NSUN7: variants seen among roughly 807,000 people sequenced by gnomAD.
NSUN7 encodes the protein NOP2/Sun RNA methyltransferase family member 7.
Under a neutral mutation model 58.5 loss-of-function variants are expected in NSUN7, and 39 were observed. That is an observed-to-expected ratio of 0.67 (90% CI 0.52 to 0.87). The LOEUF is 0.87. NSUN7 is among the 40% of genes least tolerant of loss of function. The probability of loss-of-function intolerance (pLI) is 0.00; values close to 1 mark genes in which losing one functional copy is unlikely to be tolerated. For missense variants in NSUN7, 765 were observed against 844.1 expected (o/e 0.91, Z 1.16); for synonymous variants, 278 against 303.7 (o/e 0.92, Z 0.88).
intron 2 of NSUN7, among the ~76,000 whole-genome samples, chr4:40,754,876 A>G (rs765551294): frequency 6.6e-6 from 1 of 152,202 alleles, no homozygotes; most frequent in Admixed American, 6.6e-5. Flanking sequence ...TTCATTGTAT[A>G]TAAGATCTTT....
At chr4:40,805,910 C>T (rs1045509509) in intron 10 of NSUN7, among the ~76,000 whole-genome samples, 5 of 152,042 alleles carry the variant, frequency 3.3e-5, no homozygotes, top group African/African-American at 1.2e-4. Flanking sequence ...GGTGTGATCT[C>T]AGCTAATTGC....
intron 4 of NSUN7, among the ~76,000 whole-genome samples, chr4:40,771,601 G>A (rs1742012924): frequency 6.6e-6 from 1 of 151,986 alleles, no homozygotes; most frequent in South Asian, 2.1e-4. Flanking sequence ...TGGGAATTGA[G>A]ACAGGAAGAG....
In NSUN7 at chr4:40,761,219, G is replaced by T; in HGVS notation, c.406G>T (p.Asp136Tyr). The T allele has an allele frequency of 6.3e-7, 1 of 1,583,838 alleles. No homozygotes were observed. Among genetic ancestry groups the T allele is most frequent in the Non-Finnish European group, 8.5e-7 (1 of 1,170,562 alleles). Reference protein sequence around the residue: ...LIIVMLYDFQDRKFQTRVLSD... With the variant: ...LIIVMLYDFQYRKFQTRVLSD... ...TATTGTGATGCTATATGATTTCCAA[G>T]ATAGAAAATTTCAAACTCGTGTCCT... Residue 136 changes from aspartate to tyrosine, a missense_variant, in exon 4 of 12, where the codon GAT becomes TAT. Coordinates refer to ENST00000381782, the MANE Select transcript of NSUN7 (RefSeq NM_024677.6).
At chr4:40,800,343 C>CTT (rs752170347) in intron 10 of NSUN7, among the ~76,000 whole-genome samples, 13 of 145,538 alleles carry the variant, frequency 8.9e-5, no homozygotes, top group Admixed American at 2.8e-4. Context: ...AATCCTTAAA[C>CTT]TTTTTTTTTT....
intron 7 of NSUN7, among the ~76,000 whole-genome samples, chr4:40,778,008 A>C (rs1396283011): frequency 1.3e-5 from 2 of 152,252 alleles, no homozygotes; most frequent in Non-Finnish European, 2.9e-5. Context: ...AGCTAAAAGA[A>C]AGTTCTAGAA....
intron 9 of NSUN7, among the ~76,000 whole-genome samples, chr4:40,794,761 C>G (rs116627126): frequency 1.3e-5 from 2 of 152,182 alleles, no homozygotes; most frequent in Admixed American, 6.5e-5. Context: ...GTAGTTTCAG[C>G]TTTCCTGTTT....
chr4:40,777,118 T>C (rs535963036), intron 7 of NSUN7, among the ~76,000 whole-genome samples: 6 of 152,280 alleles, frequency 3.9e-5, no homozygotes, highest in African/African-American at 1.4e-4. Flanking sequence ...AGGATTTCAC[T>C]TGGAGTCCCG....
At position 40,772,665 on chromosome 4, in the gene NSUN7, A is replaced by T. The variant is rs148765101; in HGVS notation, c.489-1600A>T. 3.7e-4 allele frequency among the ~76,000 whole-genome samples: 57 copies of T among 152,314 alleles called. 1 individual carries two copies. In the East Asian group the frequency reaches 6.4e-3, roughly 17 times the overall value. ...AGGACACTGCAGGCATGAAGAAAAG[A>T]AGTAGGGATTTAACAGTTGGTGCTA... On this transcript the variant is annotated intron_variant, in intron 4 of 11. Coordinates refer to ENST00000381782, the MANE Select transcript of NSUN7 (RefSeq NM_024677.6).
chr4:40,763,032 G>T (rs1427070663), intron 4 of NSUN7, among the ~76,000 whole-genome samples: 2 of 151,648 alleles, frequency 1.3e-5, no homozygotes, highest in South Asian at 2.1e-4. Context: ...TACCAAAAAG[G>T]TTCGAGACTG....
At chr4:40,769,061 G>A (rs1741872517) in intron 4 of NSUN7, among the ~76,000 whole-genome samples, 1 of 152,080 alleles carries the variant, frequency 6.6e-6, no homozygotes, top group South Asian at 2.1e-4. Context: ...CCCCTCCCCT[G>A]CACTCAATCT....
At chr4:40,794,607 C>T (rs1743239385) in intron 9 of NSUN7, 131 bp downstream of exon 9, 1 of 522,968 alleles carries the variant, frequency 1.9e-6, no homozygotes, top group Non-Finnish European at 3.4e-6. Context: ...TTCAGTCTTA[C>T]TGCCTTCAAA....
intron 8 of NSUN7, among the ~76,000 whole-genome samples, chr4:40,793,390 C>T (rs1302211874): frequency 6.6e-6 from 1 of 151,996 alleles, no homozygotes; most frequent in African/African-American, 2.4e-5. Context: ...TGCAGTGAGC[C>T]GAGATGGTGC....
At chr4:40,765,473 G>T (rs1466443206) in intron 4 of NSUN7, among the ~76,000 whole-genome samples, 1 of 151,242 alleles carries the variant, frequency 6.6e-6, no homozygotes, top group East Asian at 1.9e-4. Flanking sequence ...ATGCTGTTTT[G>T]GTTACTGTAG....
rs140652719 is a variant in NSUN7 at position 40,758,316 on chromosome 4, A to C, written c.299-2118A>C. 3.9e-3 allele frequency among the ~76,000 whole-genome samples: 591 copies of C among 152,330 alleles called. 6 individuals are homozygous for C. Among genetic ancestry groups the C allele is most frequent in the African/African-American group, 0.013 (552 of 41,570 alleles). ...TTCTAATACTGTACTTGTTGTGAAA[A>C]AAAAGTACAAAAAGTATGAAGTAGA... On this transcript the variant is annotated intron_variant, in intron 2 of 11. Transcript: ENST00000381782.
intron 10 of NSUN7, among the ~76,000 whole-genome samples, chr4:40,800,472 TG>T (rs1743532557): frequency 6.6e-6 from 1 of 152,102 alleles, no homozygotes; most frequent in Non-Finnish European, 1.5e-5. Flanking sequence ...CCCAAGTAGC[TG>T]GGATTACAGA....
chr4:40,807,908 C>CA (rs1411568922), intron 11 of NSUN7, among the ~76,000 whole-genome samples: 1 of 151,758 alleles, frequency 6.6e-6, no homozygotes, highest in Non-Finnish European at 1.5e-5. Context: ...GGTGTGGTGG[C>CA]ACATGCCTAT....
intron 7 of NSUN7, among the ~76,000 whole-genome samples, chr4:40,778,244 A>G (rs1274752613): frequency 6.6e-6 from 1 of 152,200 alleles, no homozygotes; most frequent in African/African-American, 2.4e-5. Context: ...GAGAAAAGGA[A>G]TTGGAAAGAA....
chr4:40,772,092 C>T (rs1046124909), intron 4 of NSUN7, among the ~76,000 whole-genome samples: 1 of 152,054 alleles, frequency 6.6e-6, no homozygotes, highest in African/African-American at 2.4e-5. Context: ...TGCATGTACA[C>T]TTTATTTTTT....
chr4:40,752,288 T>G (rs1740872881), intron 2 of NSUN7, among the ~76,000 whole-genome samples: 3 of 152,210 alleles, frequency 2.0e-5, no homozygotes, highest in Admixed American at 2.0e-4. Flanking sequence ...AGTTAATTAC[T>G]CAGTTCAGCC....
Sources: allele counts gnomAD v4.1 joint callset (sites outside exome capture counted in the v4.1 genomes callset), GRCh38; gene constraint gnomAD v4.1.1; transcripts MANE v1.5; gene names NCBI Gene and HGNC (gene_info 2026-07-23, HGNC 2026-07-21).